The following SNX30 variants were observed in gnomAD, a reference collection of about 807,000 sequenced individuals.
The protein encoded by SNX30 is sorting nexin-30.
Under a neutral mutation model 46.4 loss-of-function variants are expected in SNX30, and 24 were observed. That is an observed-to-expected ratio of 0.52 (90% confidence interval 0.37 to 0.73). SNX30 has a LOEUF of 0.73. Among genes scored for constraint, SNX30 ranks in the 30% least tolerant of loss-of-function variants. SNX30 has a pLI of 0.00. For missense variants in SNX30, 533 were observed against 555.7 expected, an observed-to-expected ratio of 0.96 and a Z score of 0.41; for synonymous variants, 189 against 211.5, an observed-to-expected ratio of 0.89 and a Z score of 0.92.
At chr9:112,833,827 C>T (rs1840707558) in intron 4 of SNX30, among the ~76,000 whole-genome samples, 2 of 152,208 alleles carry the variant, frequency 1.3e-5, no homozygotes, top group South Asian at 4.1e-4. Context: ...GAGGATGTTT[C>T]TTGTCTAGAA....
chr9:112,784,399 A>T (rs1406265765), intron 1 of SNX30, among the ~76,000 whole-genome samples: 1 of 152,196 alleles, frequency 6.6e-6, no homozygotes, highest in Non-Finnish European at 1.5e-5. Flanking sequence ...TCAGATTGTT[A>T]AGCCTGTTAT....
rs1018793745 is a variant in SNX30, at chr9:112,874,769, C to A, written c.*5926C>A. Reference sequence around the variant, plus strand: ...AGAGATTGTAAAATGGAAAAAGAATCGTTTTTTTGTTGACTTTTTGATGCT... The same window carrying A: ...AGAGATTGTAAAATGGAAAAAGAATAGTTTTTTTGTTGACTTTTTGATGCT... On this transcript the variant is annotated 3_prime_UTR_variant, in exon 9 of 9. Transcript: ENST00000374232. The A allele has an allele frequency of 2.1e-5, 1 of 48,458 alleles. No individual in the cohort carries two copies. Among genetic ancestry groups the A allele is most frequent in the Admixed American group, 1.9e-4 (1 of 5,218 alleles). 3.0% of individuals were successfully genotyped at this position (48,458 alleles called of 1,614,324 possible).
chr9:112,770,589 G>A (rs551820378), intron 1 of SNX30, among the ~76,000 whole-genome samples: 3 of 152,102 alleles, frequency 2.0e-5, no homozygotes, highest in Middle Eastern at 3.4e-3. Context: ...TCTGGCCTCC[G>A]TCCACTTCTC....
In SNX30 at chr9:112,837,933, C is replaced by T. The variant is rs187321210; in HGVS notation, c.815-565C>T. 2.3e-4 allele frequency among the ~76,000 whole-genome samples: 32 copies of T among 137,456 alleles called. 1 individual carries two copies. In the Admixed American group the frequency reaches 2.3e-3, roughly 10 times the overall value. 90.2% of individuals were successfully genotyped at this position (137,456 alleles called of 152,430 possible). A position where few individuals can be genotyped will look rare whatever the true frequency, so the allele number is the denominator to read the frequency against. On this transcript the variant is annotated intron_variant, in intron 5 of 8. Transcript: ENST00000374232. Reference sequence around the variant, plus strand: ...TTTGACGGAGTCTCGCTTTGTTGCCCAGGCTAGAGTGCAGTGGAGTGATCT... The same window carrying T: ...TTTGACGGAGTCTCGCTTTGTTGCCTAGGCTAGAGTGCAGTGGAGTGATCT...
At position 112,838,694 on chromosome 9, in the gene SNX30, G is replaced by C; in HGVS notation, c.1011G>C (p.Met337Ile). Reference protein sequence around the residue: ...LREYILYSDSMKSVLKKRDQV... With the variant: ...LREYILYSDSIKSVLKKRDQV... ...AATATATTTTATACTCTGACTCCAT[G>C]AAGGTAAGCTGGCTTGCTTCTTGTG... The change falls in exon 6 of 9, where the codon ATG becomes ATC. Residue 337 changes from methionine (M) to isoleucine (I), a missense_variant. By Grantham distance (10) the Met-to-Ile change is conservative. This residue lies in a region of SNX30 where 261 missense variants were observed against 270.9 expected (regional missense o/e 0.96). Coordinates refer to ENST00000374232, the MANE Select transcript of SNX30 (RefSeq NM_001012994.2). The C allele has an allele frequency of 6.2e-7, 1 of 1,613,722 alleles. No homozygotes were observed. Among genetic ancestry groups the C allele is most frequent in the South Asian group, 1.1e-5 (1 of 91,010 alleles).
intron 3 of SNX30, among the ~76,000 whole-genome samples, chr9:112,819,804 G>A (rs577224591): frequency 9.8e-5 from 15 of 152,320 alleles, no homozygotes; most frequent in Non-Finnish European, 1.8e-4. Flanking sequence ...ACAGAGGCAA[G>A]CTGCCACCCT....
At chr9:112,784,858 T>G (rs902682898) in intron 1 of SNX30, among the ~76,000 whole-genome samples, 5 of 152,210 alleles carry the variant, frequency 3.3e-5, no homozygotes, top group Admixed American at 6.5e-5. Flanking sequence ...TGGGCTCTAG[T>G]ACACAGGTCA....
At chr9:112,838,943 A>G (rs982775358) in intron 6 of SNX30, among the ~76,000 whole-genome samples, 1 of 152,236 alleles carries the variant, frequency 6.6e-6, no homozygotes, top group Non-Finnish European at 1.5e-5. Flanking sequence ...TCAAGAAGAT[A>G]TAATGCCTAT....
chr9:112,822,257 G>T (rs1397281459), intron 3 of SNX30, among the ~76,000 whole-genome samples: 1 of 152,170 alleles, frequency 6.6e-6, no homozygotes, highest in Non-Finnish European at 1.5e-5. Flanking sequence ...GGAACCAGAA[G>T]TATGCTGGTT....
At chr9:112,812,194 C>A (rs973741656) in intron 2 of SNX30, among the ~76,000 whole-genome samples, 2 of 152,084 alleles carry the variant, frequency 1.3e-5, no homozygotes, top group African/African-American at 4.8e-5. Context: ...TTTTCTAGAA[C>A]AAATTGTGGT....
intron 1 of SNX30, among the ~76,000 whole-genome samples, chr9:112,774,661 G>A (rs1839709387): frequency 1.3e-5 from 2 of 152,222 alleles, no homozygotes; most frequent in Non-Finnish European, 2.9e-5. Flanking sequence ...TAGTGAGTAT[G>A]TAGTGATATC....
chr9:112,823,271 C>T (rs564011424), intron 3 of SNX30, among the ~76,000 whole-genome samples: 4 of 152,278 alleles, frequency 2.6e-5, no homozygotes, highest in Non-Finnish European at 2.9e-5. Flanking sequence ...GGAATGTATC[C>T]CCCTAGGATA....
chr9:112,858,592 CA>C (rs964916679), intron 7 of SNX30, among the ~76,000 whole-genome samples: 3 of 152,126 alleles, frequency 2.0e-5, no homozygotes, highest in African/African-American at 7.2e-5. Context: ...AGACACTATC[CA>C]AAAAATCAAA....
rs770987145 is a variant in SNX30, at chr9:112,836,280, G to T, written c.685G>T (p.Val229Phe). The T allele has an allele frequency of 6.2e-7, 1 of 1,613,106 alleles. No individual in the cohort carries two copies. Among genetic ancestry groups the T allele is most frequent in the East Asian group, 2.2e-5 (1 of 44,828 alleles). ...LTRMGESVKH[V>F]TGGYKLRTRP... is the part of the protein sequence containing the mutation. ...CAGAATGGGCGAGTCAGTCAAGCACGTCACTGGCGGCTACAAGCTGAGGAC... is the reference window on the plus strand; with the variant it reads ...CAGAATGGGCGAGTCAGTCAAGCACTTCACTGGCGGCTACAAGCTGAGGAC... Residue 229 changes from valine to phenylalanine, a missense_variant, in exon 5 of 9, where the codon GTC (valine) becomes TTC (phenylalanine). By Grantham distance (50) the Val-to-Phe change is conservative. This residue lies in a region of SNX30 where 261 missense variants were observed against 270.9 expected (regional missense o/e 0.96). Transcript: ENST00000374232.
rs62576404 is a variant in SNX30 at position 112,795,797 on chromosome 9, G to A, written c.157-8979G>A. Among the ~76,000 whole-genome samples the A allele has an allele frequency of 3.2e-3, 290 of 91,770 alleles. 1 individual carries two copies. The highest frequency in any genetic ancestry group is 8.9e-3 in the African/African-American group (250 of 28,182). The allele number at this position is 91,770 out of a possible 152,430, so 60.2% of individuals were successfully genotyped here. ...CACACACACACACACACACACACAC[G>A]CACACATGATGAGCAAGGCACAGTT... On this transcript the variant is annotated intron_variant, in intron 1 of 8. Coordinates refer to ENST00000374232, the MANE Select transcript of SNX30 (RefSeq NM_001012994.2).
intron 1 of SNX30, among the ~76,000 whole-genome samples, chr9:112,797,611 C>G (rs575780104): frequency 1.3e-5 from 2 of 151,728 alleles, no homozygotes; most frequent in African/African-American, 4.8e-5. Context: ...ATCTCAAAAT[C>G]TTTATCTTTT....
chr9:112,791,870 T>C (rs916833362), intron 1 of SNX30, among the ~76,000 whole-genome samples: 6 of 152,216 alleles, frequency 3.9e-5, no homozygotes, highest in Admixed American at 1.3e-4. Flanking sequence ...GTAATGTTAT[T>C]AATGTAATAA....
chr9:112,826,133 T>A (rs1015175574), intron 3 of SNX30, among the ~76,000 whole-genome samples: 3 of 152,194 alleles, frequency 2.0e-5, no homozygotes, highest in Non-Finnish European at 4.4e-5. Context: ...TCTCAAGTCT[T>A]ATTCAGCAGA....
At chr9:112,815,887 G>A (rs1210886024) in intron 2 of SNX30, among the ~76,000 whole-genome samples, 1 of 152,124 alleles carries the variant, frequency 6.6e-6, no homozygotes, top group African/African-American at 2.4e-5. Flanking sequence ...CTGTCGCCTA[G>A]GCTGAAGTGC....
Sources: gnomAD v4.1 joint callset for allele counts (sites outside exome capture counted in the v4.1 genomes callset) on GRCh38, gnomAD v4.1.1 for gene constraint, gnomAD v4.1.1 regional missense constraint, MANE v1.5 for transcripts, NCBI Gene and HGNC (gene_info 2026-07-23, HGNC 2026-07-21) for gene names.